Variants in PRKCB observed in about 807,000 individuals in gnomAD.
PRKCB encodes protein kinase C beta type.
Under a neutral mutation model 81.5 loss-of-function variants are expected in PRKCB, and 13 were observed. The ratio of observed to expected loss-of-function variants is 0.16; its 90% CI spans 0.10 to 0.25. The LOEUF is 0.25. Among genes scored for constraint, PRKCB ranks in the 10% least tolerant of loss-of-function variants. The pLI is 1.00. For synonymous variants in PRKCB, 335 were observed against 321.4 expected, an observed-to-expected ratio of 1.04 and a Z score of -0.45; for missense variants, 509 against 875.7, an observed-to-expected ratio of 0.58 and a Z score of 5.29.
chr16:23,885,250 G>A, intron 2 of PRKCB, among the ~76,000 whole-genome samples: 1 of 152,096 alleles, frequency 6.6e-6, no homozygotes, highest in East Asian at 1.9e-4. Flanking sequence ...AATCAATTCT[G>A]TTTCTTAAGC....
chr16:24,136,550 G>A (rs1596564261), intron 9 of PRKCB, among the ~76,000 whole-genome samples: 1 of 152,246 alleles, frequency 6.6e-6, no homozygotes, highest in South Asian at 2.1e-4. Flanking sequence ...CTGCAGATAC[G>A]CATCAGCACC....
At chr16:23,893,624 T>C (rs1439045755) in intron 2 of PRKCB, 1 of 152,266 alleles carries the variant, frequency 6.6e-6, no homozygotes, top group Non-Finnish European at 1.5e-5. Flanking sequence ...TATTTTCCCA[T>C]GCATATAAAT....
intron 2 of PRKCB, among the ~76,000 whole-genome samples, chr16:23,840,649 T>C (rs7189218): frequency 0.75 from 114,235 of 152,088 alleles, 42,981 homozygotes; most frequent in Admixed American, 0.79. Context: ...TCTGCCACTC[T>C]GGTAGGAGGT....
chr16:24,116,275 G>A (rs1018491887), intron 8 of PRKCB, among the ~76,000 whole-genome samples: 2 of 151,978 alleles, frequency 1.3e-5, no homozygotes, highest in African/African-American at 4.8e-5. Flanking sequence ...AGCGCTTAGG[G>A]GCCAGGCACG....
chr16:24,080,756 G>A (rs1270523454), intron 5 of PRKCB, among the ~76,000 whole-genome samples: 4 of 152,112 alleles, frequency 2.6e-5, no homozygotes, highest in East Asian at 3.8e-4. Context: ...CAAAGAAGAA[G>A]TCTCAAGGGA....
intron 5 of PRKCB, among the ~76,000 whole-genome samples, chr16:24,084,184 G>A (rs1966286309): frequency 6.6e-6 from 1 of 152,106 alleles, no homozygotes; most frequent in African/African-American, 2.4e-5. Flanking sequence ...GACAGATGTA[G>A]AGAACAAATA....
At chr16:24,177,260 C>T (rs1051629243) in intron 12 of PRKCB, among the ~76,000 whole-genome samples, 43 of 152,192 alleles carry the variant, frequency 2.8e-4, no homozygotes, top group African/African-American at 9.9e-4. Context: ...TCCATGGATC[C>T]GGCTCACTGG....
At chr16:23,867,946 A>G (rs1277815540) in intron 2 of PRKCB, among the ~76,000 whole-genome samples, 2 of 151,654 alleles carry the variant, frequency 1.3e-5, no homozygotes, top group Non-Finnish European at 1.5e-5. Context: ...TGCAGCTGGG[A>G]GTTGGAATAA....
chr16:24,109,540 A>G (rs1223444640), intron 7 of PRKCB, among the ~76,000 whole-genome samples: 15 of 115,166 alleles, frequency 1.3e-4, no homozygotes, highest in Non-Finnish European at 5.1e-5. Flanking sequence ...CTCACTTCCT[A>G]GATGTGATGG....
intron 5 of PRKCB, among the ~76,000 whole-genome samples, chr16:24,053,992 A>G (rs60380015): frequency 0.026 from 3,922 of 152,200 alleles, 186 homozygotes; most frequent in African/African-American, 0.091. Flanking sequence ...TTTATTTTAG[A>G]TACAGGTTCT....
In PRKCB at chr16:24,217,716, G is replaced by T. The variant is rs1968251402; in HGVS notation, c.*2900G>T. The T allele has an allele frequency of 3.0e-6, 3 of 985,458 alleles. No homozygotes were observed. The highest frequency in any genetic ancestry group is 3.6e-6 in the Non-Finnish European group (3 of 829,976). 61.0% of individuals were successfully genotyped at this position (985,458 alleles called of 1,614,324 possible). A position where few individuals can be genotyped will look rare whatever the true frequency, so the allele number is the denominator to read the frequency against. On this transcript the variant is annotated 3_prime_UTR_variant, in exon 17 of 17. Transcript: ENST00000643927. ...CTGGTCAGAAGGGAATCTTTGATAAGAGGCCCACAGGCAGGGAAAGCGAAA... is the reference window on the plus strand; with the variant it reads ...CTGGTCAGAAGGGAATCTTTGATAATAGGCCCACAGGCAGGGAAAGCGAAA...
intron 2 of PRKCB, among the ~76,000 whole-genome samples, chr16:23,968,384 G>T (rs1182825789): frequency 6.6e-6 from 1 of 152,214 alleles, no homozygotes; most frequent in Non-Finnish European, 1.5e-5. Flanking sequence ...GCAGGAGGCG[G>T]TTACCGTCTG....
At chr16:23,945,368 A>G (rs902914163) in intron 2 of PRKCB, among the ~76,000 whole-genome samples, 8 of 152,198 alleles carry the variant, frequency 5.3e-5, no homozygotes, top group African/African-American at 1.4e-4. Context: ...TTCCCCTGCC[A>G]CTGTTGGGAT....
intron 12 of PRKCB, among the ~76,000 whole-genome samples, chr16:24,175,663 G>A (rs144563311): frequency 1.5e-4 from 22 of 151,620 alleles, no homozygotes; most frequent in South Asian, 1.3e-3. Flanking sequence ...CCTTAACTGC[G>A]GGATATGGGA....
chr16:23,877,887 G>A (rs1385340920), intron 2 of PRKCB, among the ~76,000 whole-genome samples: 2 of 151,282 alleles, frequency 1.3e-5, no homozygotes, highest in African/African-American at 2.4e-5. Flanking sequence ...ACACTGGAGT[G>A]CAGTGGCATG....
At chr16:24,184,737 C>T (rs539215229) in intron 13 of PRKCB, among the ~76,000 whole-genome samples, 3 of 152,216 alleles carry the variant, frequency 2.0e-5, no homozygotes, top group Admixed American at 6.5e-5. Context: ...AAACATGTAA[C>T]GTAAAATTTA....
intron 3 of PRKCB, among the ~76,000 whole-genome samples, chr16:24,015,927 TCACAACTCAGTAGG>T (rs1965272014): frequency 6.6e-6 from 1 of 152,100 alleles, no homozygotes; most frequent in South Asian, 2.1e-4. Context: ...TTGGGAAAAG[TCACAACTCAGTAGG>T]CACAGGGATG....
chr16:23,959,978 C>T (rs1964402847), intron 2 of PRKCB, among the ~76,000 whole-genome samples: 1 of 152,156 alleles, frequency 6.6e-6, no homozygotes, highest in Non-Finnish European at 1.5e-5. Flanking sequence ...TCTGGCCTGG[C>T]TTCCAATGGG....
chr16:23,947,885 C>CTTTTT (rs3073131), intron 2 of PRKCB, among the ~76,000 whole-genome samples: 16 of 124,430 alleles, frequency 1.3e-4, no homozygotes, highest in African/African-American at 3.7e-4. Context: ...TCTGGAGCCG[C>CTTTTT]TTTTTTTTTT....
Sources: allele counts gnomAD v4.1 joint callset (sites outside exome capture counted in the v4.1 genomes callset), GRCh38; gene constraint gnomAD v4.1.1; transcripts MANE v1.5; gene names NCBI Gene and HGNC (gene_info 2026-07-23, HGNC 2026-07-21).